BAIAP2: variants seen among roughly 807,000 people sequenced by gnomAD.
BAIAP2 encodes the protein BAR/IMD domain containing adaptor protein 2, also known as BAR/IMD domain-containing adapter protein 2.
BAIAP2 carries 18 observed loss-of-function variants against 63.0 expected under a neutral mutation model. That is an observed-to-expected ratio of 0.29 (90% confidence interval 0.20 to 0.42). BAIAP2 has a LOEUF of 0.42. BAIAP2 is among the 10% of genes least tolerant of loss of function. The pLI is 1.00. For missense variants in BAIAP2, 610 were observed against 734.3 expected, an observed-to-expected ratio of 0.83 and a Z score of 1.96; for synonymous variants, 386 against 307.6, an observed-to-expected ratio of 1.25 and a Z score of -2.67.
intron 3 of BAIAP2, chr17:81,076,518 G>C (rs573770288): frequency 6.6e-6 from 1 of 152,348 alleles, no homozygotes; most frequent in South Asian, 2.1e-4. Context: ...ACACACATCA[G>C]GAAGACAGAT....
intron 4 of BAIAP2, chr17:81,085,367 C>G (rs899173344): frequency 3.3e-6 from 2 of 597,668 alleles, no homozygotes; most frequent in South Asian, 1.8e-5. Context: ...GCAGTGATCC[C>G]CAGCATGGGA....
intron 6 of BAIAP2, among the ~76,000 whole-genome samples, chr17:81,097,209 G>GT (rs2057776425): frequency 6.6e-6 from 1 of 152,246 alleles, no homozygotes; most frequent in Non-Finnish European, 1.5e-5. Context: ...CAAGCCCGTT[G>GT]TTTTGAGGGG....
intron 1 of BAIAP2, among the ~76,000 whole-genome samples, chr17:81,041,839 T>C (rs2047122594): frequency 1.3e-5 from 2 of 152,256 alleles, no homozygotes; most frequent in Non-Finnish European, 2.9e-5. Context: ...CCCAAAGTGC[T>C]GGGATTACAG....
chr17:81,074,583 G>A (rs1000016524), intron 3 of BAIAP2, among the ~76,000 whole-genome samples: 1 of 150,532 alleles, frequency 6.6e-6, no homozygotes, highest in African/African-American at 2.5e-5. Context: ...GCATGGATGT[G>A]TGAGTGCCTG....
intron 2 of BAIAP2, among the ~76,000 whole-genome samples, chr17:81,054,629 C>T (rs2049167155): frequency 6.6e-6 from 1 of 152,182 alleles, no homozygotes; most frequent in Non-Finnish European, 1.5e-5. Flanking sequence ...CTGTTGGTAA[C>T]TGCAGCAGCT....
At chr17:81,090,303 T>C (rs1341066589) in intron 6 of BAIAP2, among the ~76,000 whole-genome samples, 1 of 152,230 alleles carries the variant, frequency 6.6e-6, no homozygotes, top group East Asian at 1.9e-4. Context: ...AGAGCCAGGA[T>C]GAGCCGACAT....
At chr17:81,038,450 T>C (rs2046604293) in intron 1 of BAIAP2, among the ~76,000 whole-genome samples, 1 of 152,150 alleles carries the variant, frequency 6.6e-6, no homozygotes, top group African/African-American at 2.4e-5. Flanking sequence ...TCCTAGAATA[T>C]GTGAGGTTGA....
At position 81,117,075 on chromosome 17, in the gene BAIAP2, C is replaced by T. The variant is rs2146261951; in HGVS notation, c.*1236C>T. The T allele has an allele frequency of 6.6e-6, 1 of 152,398 alleles. No homozygotes were observed. The allele number at this position is 152,398 out of a possible 1,614,324, so 9.4% of individuals were successfully genotyped here. A position where few individuals can be genotyped will look rare whatever the true frequency, so the allele number is the denominator to read the frequency against. ...ACCCGTCCCTACCAGGCCAACTCGG[C>T]CTGCAGGAAGGGAGACCTGCAGGGC... On this transcript the variant is annotated 3_prime_UTR_variant, in exon 14 of 14. Transcript: ENST00000428708.
At chr17:81,080,000 G>T (rs1033051033) in intron 3 of BAIAP2, among the ~76,000 whole-genome samples, 1 of 152,210 alleles carries the variant, frequency 6.6e-6, no homozygotes, top group African/African-American at 2.4e-5. Flanking sequence ...CCCAAGGGAG[G>T]CTCTCAACGG....
chr17:81,084,004 C>T (rs578253955), intron 3 of BAIAP2: 4 of 152,238 alleles, frequency 2.6e-5, no homozygotes, highest in Non-Finnish European at 5.9e-5. Flanking sequence ...GGGCTGCCCC[C>T]CCGCAGGTGG....
chr17:81,097,095 A>G (rs1297042761), intron 6 of BAIAP2, among the ~76,000 whole-genome samples: 2 of 152,172 alleles, frequency 1.3e-5, no homozygotes, highest in Non-Finnish European at 2.9e-5. Context: ...CCTGTGATCA[A>G]ACTTCTCACT....
intron 13 of BAIAP2, chr17:81,109,547 C>T (rs958382758): frequency 5.5e-5 from 54 of 985,246 alleles, no homozygotes; most frequent in African/African-American, 1.0e-4. Flanking sequence ...TCCCTGGCCG[C>T]CCCGGCCCCT....
At chr17:81,037,804 GT>G (rs1179516702) in intron 1 of BAIAP2, among the ~76,000 whole-genome samples, 1 of 152,282 alleles carries the variant, frequency 6.6e-6, no homozygotes, top group African/African-American at 2.4e-5. Flanking sequence ...GCAGTTCTGA[GT>G]GGTGTTTGCC....
intron 3 of BAIAP2, among the ~76,000 whole-genome samples, chr17:81,071,978 C>T (rs765529347): frequency 2.0e-5 from 3 of 152,224 alleles, no homozygotes; most frequent in Non-Finnish European, 2.9e-5. Context: ...CCGTGATCAT[C>T]CCCCCCTCCC....
intron 3 of BAIAP2, chr17:81,083,194 G>C (rs1384701936): frequency 6.6e-6 from 1 of 152,408 alleles, no homozygotes; most frequent in Non-Finnish European, 1.5e-5. Context: ...CTGGTTTCTG[G>C]CTGAACTTGT....
chr17:81,108,654 TC>T, intron 13 of BAIAP2, 145 bp downstream of exon 13: 3 of 1,079,612 alleles, frequency 2.8e-6, no homozygotes, highest in Non-Finnish European at 4.0e-6. Context: ...GCCGGGGATG[TC>T]CCTTAGGGCG....
At chr17:81,072,535 G>A (rs540841860) in intron 3 of BAIAP2, among the ~76,000 whole-genome samples, 5 of 152,286 alleles carry the variant, frequency 3.3e-5, no homozygotes, top group African/African-American at 7.2e-5. Flanking sequence ...CCGTCTCCAC[G>A]TCCCCACCCG....
chr17:81,104,408 A>ACCTGGGG, intron 9 of BAIAP2, 106 bp from the exon 10 acceptor site: 1 of 1,278,726 alleles, frequency 7.8e-7, no homozygotes. Flanking sequence ...CCACTTACCC[A>ACCTGGGG]CCTGGGGCAC....
Position 81,116,317 on chromosome 17 carries a change from G to A in BAIAP2, c.*478G>A. On this transcript the variant is annotated 3_prime_UTR_variant, in exon 14 of 14. Coordinates refer to ENST00000428708, the MANE Select transcript of BAIAP2 (RefSeq NM_001144888.2). ...TGGCTGGAAGATGAACTTCCCGTAA[G>A]CACGTAATTCCCTGCAGGTCCGGCA... 3 of 1,612,742 alleles carry A rather than the reference G, an allele frequency of 1.9e-6. No individual in the cohort carries two copies. The highest frequency in any genetic ancestry group is 2.7e-5 in the African/African-American group (2 of 75,062).
Sources: gnomAD v4.1 joint callset for allele counts (sites outside exome capture counted in the v4.1 genomes callset) on GRCh38, gnomAD v4.1.1 for gene constraint, MANE v1.5 for transcripts, NCBI Gene and HGNC (gene_info 2026-07-23, HGNC 2026-07-21) for gene names.